SNORC: variants seen among roughly 807,000 people sequenced by gnomAD.
SNORC encodes secondary ossification center associated regulator of chondrocyte maturation.
Under a neutral mutation model 9.7 loss-of-function variants are expected in SNORC, and 11 were observed. The ratio of observed to expected loss-of-function variants is 1.14; its 90% CI spans 0.72 to 1.88. The LOEUF is 1.88. Among genes scored for constraint, SNORC ranks in the 40% most tolerant of loss-of-function variants. SNORC has a pLI of 0.00. For missense variants in SNORC, 197 were observed against 173.1 expected, an observed-to-expected ratio of 1.14 and a Z score of -0.77; for synonymous variants, 108 against 88.7, an observed-to-expected ratio of 1.22 and a Z score of -1.22.
At chr2:232,875,117 A>G (rs1439279907) in intron 1 of SNORC, among the ~76,000 whole-genome samples, 1 of 152,214 alleles carries the variant, frequency 6.6e-6, no homozygotes, top group Non-Finnish European at 1.5e-5. Context: ...ACACGGGTGT[A>G]TCACCTGAGG....
chr2:232,876,364 A>G lies in SNORC; in HGVS notation c.*8A>G. 1.3e-6 allele frequency: 2 copies of G among 1,524,940 alleles called. No homozygotes were observed. Among genetic ancestry groups the G allele is most frequent in the Non-Finnish European group, 8.8e-7 (1 of 1,140,486 alleles). The allele number at this position is 1,524,940 out of a possible 1,614,324, so 94.5% of individuals were successfully genotyped here. On this transcript the variant is annotated 3_prime_UTR_variant, in exon 3 of 3. Coordinates refer to ENST00000331342, the Ensembl canonical transcript of SNORC. The surrounding 1 kb of genome is among the most constrained non-coding windows in gnomAD (Gnocchi z 6.8). ...AAGTTTTCTGCCTCCTGAAGCGAAT[A>G]AAGGGGCCGCGCCCGGCCGCGGCGC...
At chr2:232,871,291 C>G (rs1266096347) in intron 1 of SNORC, among the ~76,000 whole-genome samples, 1 of 152,140 alleles carries the variant, frequency 6.6e-6, no homozygotes, top group Non-Finnish European at 1.5e-5. Flanking sequence ...CTCGGCCACA[C>G]CCTGGGAGGT....
At chr2:232,877,715 G>A (rs1169343464), downstream of SNORC, 3 of 152,230 alleles carry the variant, frequency 2.0e-5, no homozygotes, top group African/African-American at 7.2e-5. Context: ...CCTCATCCAA[G>A]TCTGTTAACA....
intron 1 of SNORC, chr2:232,875,592 T>C: frequency 2.3e-6 from 1 of 429,110 alleles, no homozygotes. Flanking sequence ...TGCAGGCGTC[T>C]CAGCCTGTGC....
downstream of SNORC, chr2:232,876,765 G>T (rs1028138650): frequency 3.0e-6 from 3 of 985,410 alleles, no homozygotes; most frequent in Non-Finnish European, 3.6e-6. The surrounding 1 kb of genome is among the most constrained non-coding windows in gnomAD (Gnocchi z 6.8). Flanking sequence ...AGCGGTCTTA[G>T]CCCGTCCGGG....
intron 1 of SNORC, chr2:232,875,599 G>A: frequency 2.3e-6 from 1 of 443,362 alleles, no homozygotes; most frequent in East Asian, 5.1e-5. Flanking sequence ...GTCTCAGCCT[G>A]TGCTTTCTGT....
At chr2:232,876,956 C>A (rs147495007), downstream of SNORC, 3 of 985,420 alleles carry the variant, frequency 3.0e-6, no homozygotes, top group East Asian at 1.1e-4. This position sits in a 1 kb window ranked among gnomAD's most constrained non-coding sequence, Gnocchi z 6.8. Flanking sequence ...CCGACAGAGA[C>A]CCCGGGGCCC....
rs111611291 is a variant in SNORC, at chr2:232,875,009, C to T, written c.74-931C>T. Reference sequence around the variant, plus strand: ...TCATCCAGGGAACCGGCTTGAGGGTCGAGTGTCCCTGGATCACAGTCTCTA... The same window carrying T: ...TCATCCAGGGAACCGGCTTGAGGGTTGAGTGTCCCTGGATCACAGTCTCTA... On this transcript the variant is annotated intron_variant, in intron 1 of 2. Coordinates refer to ENST00000331342, the Ensembl canonical transcript of SNORC. Among the ~76,000 whole-genome samples, 355 of 152,300 alleles carry T rather than the reference C, an allele frequency of 2.3e-3. 1 individual carries two copies. Among genetic ancestry groups the T allele is most frequent in the African/African-American group, 8.2e-3 (339 of 41,552 alleles).
At chr2:232,870,233 T>C, upstream of SNORC, 1 of 1,022,360 alleles carries the variant, frequency 9.8e-7, no homozygotes, top group Non-Finnish European at 1.5e-6. Flanking sequence ...AGAGTTTGCA[T>C]TGATGAAAAC....
Position 232,876,012 on chromosome 2 carries a change from T to TG in SNORC, c.148dup (p.Glu50GlyfsTer?). On this transcript the variant is annotated frameshift_variant, in exon 2 of 3. Coordinates refer to ENST00000331342, the Ensembl canonical transcript of SNORC. LOFTEE classifies it high-confidence loss of function. The surrounding 1 kb of genome is among the most constrained non-coding windows in gnomAD (Gnocchi z 6.8). ...GAGCTGCCGTCGGGAGAAGGCCCCG[T>TG]GGAGAGCACCAGCCCCGGCCGGGAG... 1 of 1,551,628 alleles carries TG rather than the reference T, an allele frequency of 6.4e-7. No homozygotes were observed. The highest frequency in any genetic ancestry group is 1.4e-5 in the African/African-American group (1 of 73,552).
downstream of SNORC, chr2:232,877,022 G>A (rs1398983491): frequency 1.0e-6 from 1 of 985,616 alleles, no homozygotes; most frequent in Non-Finnish European, 1.2e-6. Flanking sequence ...CTCCCAGCCA[G>A]AGGCCGCGTG....
chr2:232,877,052 C>T (rs1691285705), downstream of SNORC: 4 of 985,816 alleles, frequency 4.1e-6, no homozygotes, highest in Non-Finnish European at 4.8e-6. Flanking sequence ...GACGTCTTGA[C>T]TCTGAGTCCT....
At chr2:232,870,056 C>T (rs565267653), upstream of SNORC, among the ~76,000 whole-genome samples, 20 of 151,532 alleles carry the variant, frequency 1.3e-4, no homozygotes, top group Non-Finnish European at 2.1e-4. Flanking sequence ...GTGTGTGTTG[C>T]GGGGTGGAGA....
chr2:232,870,537 T>A (rs1432684652), intron 1 of SNORC, 123 bp downstream of exon 1: 3 of 951,764 alleles, frequency 3.2e-6, no homozygotes, highest in Non-Finnish European at 4.7e-6. Flanking sequence ...GGATGACTAT[T>A]TGGGGTGATT....
At chr2:232,876,658 C>G (rs1351046223), downstream of SNORC, 2 of 1,013,478 alleles carry the variant, frequency 2.0e-6, no homozygotes, top group Non-Finnish European at 2.4e-6. The surrounding 1 kb of genome is among the most constrained non-coding windows in gnomAD (Gnocchi z 6.8). Context: ...TCGGCGTCCC[C>G]GTGCACCACG....
intron 1 of SNORC, among the ~76,000 whole-genome samples, chr2:232,871,547 T>G (rs1691025063): frequency 6.6e-6 from 1 of 152,146 alleles, no homozygotes; most frequent in African/African-American, 2.4e-5. Context: ...GAATGTGGAT[T>G]CTGTGGTCCG....
At chr2:232,869,038 T>G (rs1203832371), upstream of SNORC, 1 of 152,184 alleles carries the variant, frequency 6.6e-6, no homozygotes, top group Non-Finnish European at 1.5e-5. Flanking sequence ...TTGTGCTTGC[T>G]CTCCCTAGGA....
chr2:232,876,489 G>A, downstream of SNORC: 1 of 1,316,464 alleles, frequency 7.6e-7, no homozygotes, highest in Non-Finnish European at 9.6e-7. The surrounding 1 kb of genome is among the most constrained non-coding windows in gnomAD (Gnocchi z 6.8). Flanking sequence ...CGCTCAGGGC[G>A]GGGGTGCGCG....
In SNORC at chr2:232,876,023, A is replaced by C; in HGVS notation, c.157A>C (p.Ser53Arg). Reference sequence around the variant, plus strand: ...GGGAGAAGGCCCCGTGGAGAGCACCAGCCCCGGCCGGGAGCCCGTGGACAC... The same window carrying C: ...GGGAGAAGGCCCCGTGGAGAGCACCCGCCCCGGCCGGGAGCCCGTGGACAC... The change falls in exon 2 of 3, where the codon AGC becomes CGC. Residue 53 changes from serine (S) to arginine (R), a missense_variant. By Grantham distance (110) the Ser-to-Arg change is moderately radical. Transcript: ENST00000331342. This position sits in a 1 kb window ranked among gnomAD's most constrained non-coding sequence, Gnocchi z 6.8. 6.5e-7 allele frequency: 1 copy of C among 1,547,684 alleles called. No individual in the cohort carries two copies. Among genetic ancestry groups the C allele is most frequent in the Non-Finnish European group, 8.7e-7 (1 of 1,149,662 alleles).
Sources: allele counts gnomAD v4.1 joint callset (sites outside exome capture counted in the v4.1 genomes callset), GRCh38; gene constraint gnomAD v4.1.1; non-coding constraint Gnocchi (gnomAD v3.1); transcripts MANE v1.5; gene names NCBI Gene and HGNC (gene_info 2026-07-23, HGNC 2026-07-21).